Variants in ANKRD44 observed in about 807,000 individuals in gnomAD.
The protein encoded by ANKRD44 is ankyrin repeat domain 44.
A neutral mutation model predicts 116.0 loss-of-function variants in ANKRD44; 35 were observed. That is an observed-to-expected ratio of 0.30 (90% confidence interval 0.23 to 0.40). The LOEUF (loss-of-function observed/expected upper bound fraction) is 0.40. Among genes scored for constraint, ANKRD44 ranks in the 10% least tolerant of loss-of-function variants. The pLI, the probability that ANKRD44 is intolerant of heterozygous loss-of-function variation, is 1.00. For missense variants in ANKRD44, 1,014 were observed against 1,242.6 expected, an observed-to-expected ratio of 0.82 and a Z score of 2.77; for synonymous variants, 435 against 461.8, an observed-to-expected ratio of 0.94 and a Z score of 0.74.
intron 8 of ANKRD44, among the ~76,000 whole-genome samples, chr2:197,113,714 A>C (rs1559073334): frequency 6.6e-6 from 1 of 152,200 alleles, no homozygotes; most frequent in African/African-American, 2.4e-5. Context: ...CTTTTCTCTG[A>C]GAGTGCTTGT....
chr2:197,197,536 C>T (rs1254317582), intron 1 of ANKRD44, among the ~76,000 whole-genome samples: 3 of 151,920 alleles, frequency 2.0e-5, no homozygotes, highest in Non-Finnish European at 2.9e-5. Context: ...GGAGGCCGGG[C>T]GCAGTAGCTC....
chr2:197,012,580 G>C (rs2076319715), intron 18 of ANKRD44, among the ~76,000 whole-genome samples: 2 of 151,470 alleles, frequency 1.3e-5, no homozygotes, highest in African/African-American at 4.9e-5. Context: ...TTCCAAGTAA[G>C]TAGGCAACAA....
chr2:197,222,646 T>C (rs932728241), intron 1 of ANKRD44, among the ~76,000 whole-genome samples: 1 of 152,142 alleles, frequency 6.6e-6, no homozygotes, highest in Non-Finnish European at 1.5e-5. Flanking sequence ...CTGTGCTCAT[T>C]CTGTTGGAGT....
At chr2:197,060,953 C>T (rs6748296) in intron 16 of ANKRD44, among the ~76,000 whole-genome samples, 108,856 of 152,136 alleles carry the variant, frequency 0.72, 40,512 homozygotes, top group East Asian at 0.86. Flanking sequence ...GTTGCTTCTA[C>T]AGCTTGGCTA....
intron 8 of ANKRD44, among the ~76,000 whole-genome samples, chr2:197,119,579 CAATT>C (rs2078804036): frequency 6.6e-6 from 1 of 152,134 alleles, no homozygotes. Context: ...TTGATACAAT[CAATT>C]GCTATTCTGA....
intron 16 of ANKRD44, among the ~76,000 whole-genome samples, chr2:197,046,435 G>A (rs1021485995): frequency 6.6e-5 from 10 of 151,980 alleles, no homozygotes; most frequent in Non-Finnish European, 1.3e-4. Context: ...GCTTTACTGG[G>A]TCTTAGTTTG....
rs557083303 is a variant in ANKRD44, at chr2:197,212,357, C to T, written c.28-25251G>A. 1.4e-4 allele frequency among the ~76,000 whole-genome samples: 22 copies of T among 152,262 alleles called. No individual in the cohort carries two copies. The highest frequency in any genetic ancestry group is 3.4e-3 in the Middle Eastern group (1 of 294). On this transcript the variant is annotated intron_variant, in intron 1 of 27. Coordinates refer to ENST00000282272, the MANE Select transcript of ANKRD44 (RefSeq NM_001195144.2). The surrounding 1 kb of genome is among the most constrained non-coding windows in gnomAD (Gnocchi z 4.8). ...CCACTTGTATCACACAGTCCCTATT[C>T]GAGAACCCAAAATGCTTCTGCACTA... is the stretch of plus-strand genomic sequence containing the variant.
chr2:196,996,778 C>G (rs1009465248), intron 25 of ANKRD44, among the ~76,000 whole-genome samples: 3 of 151,920 alleles, frequency 2.0e-5, no homozygotes, highest in Non-Finnish European at 2.9e-5. Flanking sequence ...GTGGCGCATG[C>G]CTGTAGTCCC....
chr2:197,220,476 T>C (rs929582232), intron 1 of ANKRD44, among the ~76,000 whole-genome samples: 1 of 152,168 alleles, frequency 6.6e-6, no homozygotes, highest in Admixed American at 6.5e-5. Context: ...ATGAGAAATA[T>C]GATGTAAAGA....
At chr2:197,005,411 G>A (rs1218602351) in intron 21 of ANKRD44, among the ~76,000 whole-genome samples, 1 of 152,104 alleles carries the variant, frequency 6.6e-6, no homozygotes, top group African/African-American at 2.4e-5. Flanking sequence ...CAGAAACCCT[G>A]AATAAAATTG....
At chr2:197,115,123 A>C (rs2078677614) in intron 8 of ANKRD44, among the ~76,000 whole-genome samples, 1 of 152,178 alleles carries the variant, frequency 6.6e-6, no homozygotes, top group Admixed American at 6.5e-5. Context: ...TTAGAGCTAA[A>C]TGATCTAAGA....
intron 16 of ANKRD44, among the ~76,000 whole-genome samples, chr2:197,052,360 G>A (rs1476704000): frequency 6.6e-6 from 1 of 152,162 alleles, no homozygotes; most frequent in Admixed American, 6.5e-5. Flanking sequence ...GTTGGGCTTG[G>A]AGGATGAAGT....
Position 197,187,246 on chromosome 2 carries a change from C to A in ANKRD44, c.28-140G>T, listed in dbSNP as rs575554201. 9.3e-6 allele frequency: 7 copies of A among 753,470 alleles called. No individual in the cohort carries two copies. The Admixed American group carries it at 1.4e-4, about 15-fold the overall frequency. 46.7% of individuals were successfully genotyped at this position (753,470 alleles called of 1,614,324 possible). On this transcript the variant is annotated intron_variant, in intron 1 of 27. Coordinates refer to ENST00000282272, the MANE Select transcript of ANKRD44 (RefSeq NM_001195144.2). Reference sequence around the variant, plus strand: ...CAGACAAAGATGAATAAGACTCAGACCAACCCTTACAAGAAGTCCAGTGGG... The same window carrying A: ...CAGACAAAGATGAATAAGACTCAGAACAACCCTTACAAGAAGTCCAGTGGG...
At chr2:197,174,133 C>T (rs906548531) in intron 2 of ANKRD44, among the ~76,000 whole-genome samples, 3 of 152,106 alleles carry the variant, frequency 2.0e-5, no homozygotes, top group African/African-American at 7.2e-5. Flanking sequence ...CTCTTGCTAT[C>T]CCATTTTTCT....
chr2:197,221,953 C>G (rs1247597843), intron 1 of ANKRD44, among the ~76,000 whole-genome samples: 1 of 152,198 alleles, frequency 6.6e-6, no homozygotes. Flanking sequence ...CAGAATCTCA[C>G]TTCTGCCATC....
At chr2:197,162,820 A>T (rs1023020172) in intron 2 of ANKRD44, among the ~76,000 whole-genome samples, 4 of 152,202 alleles carry the variant, frequency 2.6e-5, no homozygotes, top group African/African-American at 9.6e-5. Flanking sequence ...CTCTGTATCA[A>T]CCTAACAACA....
At chr2:197,038,960 T>A (rs1410287516) in intron 16 of ANKRD44, among the ~76,000 whole-genome samples, 2 of 152,074 alleles carry the variant, frequency 1.3e-5, no homozygotes, top group South Asian at 2.1e-4. Flanking sequence ...AAAAAAATAA[T>A]CAAAGTGTTC....
intron 26 of ANKRD44, chr2:196,994,680 A>G (rs2075981572): frequency 6.7e-6 from 1 of 149,336 alleles, no homozygotes; most frequent in African/African-American, 2.5e-5. Flanking sequence ...ATGCCCAGCT[A>G]ATTTTGTTGT....
At chr2:197,283,469 A>C (rs2083322055) in intron 1 of ANKRD44, among the ~76,000 whole-genome samples, 1 of 152,244 alleles carries the variant, frequency 6.6e-6, no homozygotes, top group South Asian at 2.1e-4. Flanking sequence ...TTCCATATAA[A>C]GCAATTCCAT....
Sources: gnomAD v4.1 joint callset for allele counts (sites outside exome capture counted in the v4.1 genomes callset) on GRCh38, gnomAD v4.1.1 for gene constraint, Gnocchi (gnomAD v3.1) non-coding constraint, MANE v1.5 for transcripts, NCBI Gene and HGNC (gene_info 2026-07-23, HGNC 2026-07-21) for gene names.